JAKMIP2: variants seen among roughly 807,000 people sequenced by gnomAD.
JAKMIP2 encodes the protein janus kinase and microtubule interacting protein 2.
JAKMIP2 carries 25 observed loss-of-function variants against 115.0 expected under a neutral mutation model. That is an observed-to-expected ratio of 0.22 (90% CI 0.16 to 0.30). The LOEUF (loss-of-function observed/expected upper bound fraction) is 0.30. JAKMIP2 is among the 10% of genes least tolerant of loss of function. JAKMIP2 has a pLI of 1.00. For missense variants in JAKMIP2, 642 were observed against 957.6 expected, an observed-to-expected ratio of 0.67 and a Z score of 4.35; for synonymous variants, 334 against 343.6, an observed-to-expected ratio of 0.97 and a Z score of 0.31.
chr5:147,642,054 AAT>A (rs1581341100), intron 7 of JAKMIP2, among the ~76,000 whole-genome samples: 1 of 152,294 alleles, frequency 6.6e-6, no homozygotes, highest in East Asian at 1.9e-4. Context: ...TAGCTATGAA[AAT>A]AGTTACTTAT....
At chr5:147,719,550 T>G (rs1263687665) in intron 1 of JAKMIP2, among the ~76,000 whole-genome samples, 1 of 152,172 alleles carries the variant, frequency 6.6e-6, no homozygotes. Flanking sequence ...GGTGCATATA[T>G]ATTCAGGATA....
rs767854318 is a variant in JAKMIP2, at chr5:147,782,704, C to T, written c.-397G>A. On this transcript the variant is annotated 5_prime_UTR_variant, in exon 1 of 22. Coordinates refer to ENST00000616793, the MANE Select transcript of JAKMIP2 (RefSeq NM_001270941.2). ...AGCAGCATCACCAGTTGGGCCTCCT[C>T]CCTCTCGGAGGATGGGGTGAGCTCG... 3.4e-4 allele frequency: 211 copies of T among 620,266 alleles called. No homozygotes were observed. Among genetic ancestry groups the T allele is most frequent in the Middle Eastern group, 6.6e-4 (2 of 3,030 alleles). 38.4% of individuals were successfully genotyped at this position (620,266 alleles called of 1,614,324 possible). A position where few individuals can be genotyped will look rare whatever the true frequency, so the allele number is the denominator to read the frequency against.
intron 1 of JAKMIP2, among the ~76,000 whole-genome samples, chr5:147,730,376 G>A (rs1753681731): frequency 6.6e-6 from 1 of 151,988 alleles, no homozygotes; most frequent in Non-Finnish European, 1.5e-5. Flanking sequence ...CTCAACATCT[G>A]ATCACCCTCA....
chr5:147,717,507 C>T (rs1753056107), intron 1 of JAKMIP2, among the ~76,000 whole-genome samples: 2 of 128,462 alleles, frequency 1.6e-5, no homozygotes, highest in African/African-American at 5.9e-5. Context: ...TTGTTTGTAT[C>T]CTCTTTTATT....
In JAKMIP2 at chr5:147,661,371, C is replaced by T; in HGVS notation, c.204G>A (p.Val68=). The T allele has an allele frequency of 6.2e-7, 1 of 1,614,076 alleles. No individual in the cohort carries two copies. Among genetic ancestry groups the T allele is most frequent in the Non-Finnish European group, 8.5e-7 (1 of 1,180,016 alleles). The change falls in exon 3 of 22, where the codon GTG becomes GTA. Residue 68 remains valine, a synonymous_variant. Transcript: ENST00000616793. The part of the protein sequence containing the change: ...IRELEQRKHT[V]LVTELKAKLH... ...GCTTGGCTTTGAGTTCTGTCACCAG[C>T]ACCGTGTGCTTGCGCTGCTCCAGCT...
At chr5:147,605,593 A>G (rs907324347) in intron 20 of JAKMIP2, among the ~76,000 whole-genome samples, 1 of 152,212 alleles carries the variant, frequency 6.6e-6, no homozygotes, top group Non-Finnish European at 1.5e-5. Context: ...TAGTGCTGCA[A>G]TAAACATACG....
At chr5:147,742,478 A>G (rs1057251980) in intron 1 of JAKMIP2, among the ~76,000 whole-genome samples, 1 of 152,156 alleles carries the variant, frequency 6.6e-6, no homozygotes, top group Non-Finnish European at 1.5e-5. Context: ...TATGGGAAAC[A>G]ACTAACGAAG....
At chr5:147,742,091 C>A (rs1754158942) in intron 1 of JAKMIP2, among the ~76,000 whole-genome samples, 1 of 146,896 alleles carries the variant, frequency 6.8e-6, no homozygotes, top group Non-Finnish European at 1.5e-5. Context: ...TTTGATATTG[C>A]TTTATCTGTG....
At chr5:147,756,756 C>T (rs1169692097) in intron 1 of JAKMIP2, among the ~76,000 whole-genome samples, 1 of 152,086 alleles carries the variant, frequency 6.6e-6, no homozygotes, top group African/African-American at 2.4e-5. Context: ...TGTGCTCTAC[C>T]CTTCCCATGT....
chr5:147,633,654 C>T (rs990021240), intron 12 of JAKMIP2, among the ~76,000 whole-genome samples: 2 of 151,702 alleles, frequency 1.3e-5, no homozygotes, highest in African/African-American at 2.4e-5. Flanking sequence ...ACAAATGCAC[C>T]TTCCCCTGTA....
rs561328811 is a variant in JAKMIP2 at position 147,721,430 on chromosome 5, G to T, written c.-148-49476C>A. On this transcript the variant is annotated intron_variant, in intron 1 of 21. Transcript: ENST00000616793. ...TACCTCAGCAAGCCTGGGCAATGGCGGGCGCCCCTCCCCCAGCCTCGCTGC... is the reference window on the plus strand; with the variant it reads ...TACCTCAGCAAGCCTGGGCAATGGCTGGCGCCCCTCCCCCAGCCTCGCTGC... 2.0e-5 allele frequency among the ~76,000 whole-genome samples: 3 copies of T among 152,310 alleles called. No homozygotes were observed. In the East Asian group the frequency reaches 5.8e-4, roughly 29 times the overall value.
intron 19 of JAKMIP2, among the ~76,000 whole-genome samples, chr5:147,616,907 T>TAAAAGAACCCCTGCCTCTTTTCCA (rs1756613619): frequency 6.6e-6 from 1 of 152,208 alleles, no homozygotes; most frequent in Non-Finnish European, 1.5e-5. Context: ...ATTTGCCTCA[T>TAAAAGAACCCCTGCCTCTTTTCCA]AAAAGAACCC....
At chr5:147,774,024 A>G (rs191475888) in intron 1 of JAKMIP2, among the ~76,000 whole-genome samples, 2 of 152,308 alleles carry the variant, frequency 1.3e-5, no homozygotes, top group African/African-American at 4.8e-5. Flanking sequence ...TCTAAATTTT[A>G]TAGATGATTT....
At chr5:147,608,393 CA>C (rs1268981448) in intron 20 of JAKMIP2, among the ~76,000 whole-genome samples, 2 of 152,144 alleles carry the variant, frequency 1.3e-5, no homozygotes, top group Non-Finnish European at 2.9e-5. Context: ...TCATTGGTTT[CA>C]AATAGCTTAT....
intron 1 of JAKMIP2, among the ~76,000 whole-genome samples, chr5:147,760,977 A>G (rs1276971013): frequency 6.6e-6 from 1 of 152,122 alleles, no homozygotes; most frequent in Admixed American, 6.6e-5. Context: ...ACCAAGACAC[A>G]TTAATTCTAT....
At chr5:147,631,817 TG>T (rs1757366882) in intron 13 of JAKMIP2, among the ~76,000 whole-genome samples, 1 of 152,160 alleles carries the variant, frequency 6.6e-6, no homozygotes, top group African/African-American at 2.4e-5. Context: ...TATCTCAGCG[TG>T]GTCTTGCCAT....
chr5:147,743,057 A>G (rs1754209303), intron 1 of JAKMIP2, among the ~76,000 whole-genome samples: 1 of 152,198 alleles, frequency 6.6e-6, no homozygotes, highest in African/African-American at 2.4e-5. Flanking sequence ...ATCATAATCA[A>G]CTTTACTGAG....
chr5:147,719,983 G>T (rs1753195673), intron 1 of JAKMIP2, among the ~76,000 whole-genome samples: 1 of 152,006 alleles, frequency 6.6e-6, no homozygotes, highest in Non-Finnish European at 1.5e-5. Context: ...GCAGCGGCTG[G>T]TACCGGTTGT....
chr5:147,658,051 G>A lies in JAKMIP2; in HGVS notation c.627+2897C>T, dbSNP rs1758767198. Reference sequence around the variant, plus strand: ...TCCATCCAGTTCTGTGCCCTTGCTGGACAGTTGTTGTGAACGTTTGGAGGA... The same window carrying A: ...TCCATCCAGTTCTGTGCCCTTGCTGAACAGTTGTTGTGAACGTTTGGAGGA... On this transcript the variant is annotated intron_variant, in intron 3 of 21. Transcript: ENST00000616793. Among the ~76,000 whole-genome samples, 5 of 152,120 alleles carry A rather than the reference G, an allele frequency of 3.3e-5. No homozygotes were observed. In the South Asian group the frequency reaches 8.3e-4, roughly 25 times the overall value.
Sources: allele counts gnomAD v4.1 joint callset (sites outside exome capture counted in the v4.1 genomes callset), GRCh38; gene constraint gnomAD v4.1.1; transcripts MANE v1.5; gene names NCBI Gene and HGNC (gene_info 2026-07-23, HGNC 2026-07-21).